SCFD2: variants seen among roughly 807,000 people sequenced by gnomAD.
The protein encoded by SCFD2 is sec1 family domain-containing protein 2.
Under a neutral mutation model 58.9 loss-of-function variants are expected in SCFD2, and 54 were observed. The ratio of observed to expected loss-of-function variants is 0.92; its 90% CI spans 0.74 to 1.15. SCFD2 has a LOEUF of 1.15. Ranked by LOEUF, SCFD2 falls within the 50% of genes most tolerant of loss-of-function variation. The pLI is 0.00. For missense variants in SCFD2, 805 were observed against 836.6 expected, an observed-to-expected ratio of 0.96 and a Z score of 0.47; for synonymous variants, 321 against 335.9, an observed-to-expected ratio of 0.96 and a Z score of 0.49.
rs541045819 is a variant in SCFD2 at position 53,099,273 on chromosome 4, G to T, written c.1561+46060C>A. Among the ~76,000 whole-genome samples the T allele has an allele frequency of 4.6e-5, 7 of 152,244 alleles. No homozygotes were observed. The South Asian group carries it at 8.3e-4, about 18-fold the overall frequency. On this transcript the variant is annotated intron_variant, in intron 5 of 8. Transcript: ENST00000401642. ...CTACAATCTCCTTTTGTCACATGAGGTCACAAAATTTCACAAAGCGGAGAG... is the reference window on the plus strand; with the variant it reads ...CTACAATCTCCTTTTGTCACATGAGTTCACAAAATTTCACAAAGCGGAGAG...
chr4:53,197,121 G>C (rs1728081981), intron 4 of SCFD2, among the ~76,000 whole-genome samples: 1 of 151,974 alleles, frequency 6.6e-6, no homozygotes, highest in Non-Finnish European at 1.5e-5. Flanking sequence ...AGCATGGCGG[G>C]GGAGGAAAAT....
At chr4:53,205,026 G>C (rs1011643344) in intron 4 of SCFD2, among the ~76,000 whole-genome samples, 14 of 152,084 alleles carry the variant, frequency 9.2e-5, no homozygotes, top group African/African-American at 3.4e-4. Flanking sequence ...ATATCCCTTT[G>C]TCCTTTTTGT....
intron 4 of SCFD2, among the ~76,000 whole-genome samples, chr4:53,183,878 C>T (rs73250944): frequency 0.02 from 3,045 of 152,198 alleles, 40 homozygotes; most frequent in Admixed American, 0.03. Context: ...TAACAGGCTG[C>T]ATGTTCTTGG....
At chr4:53,055,727 C>T (rs1315996211) in intron 5 of SCFD2, among the ~76,000 whole-genome samples, 1 of 152,168 alleles carries the variant, frequency 6.6e-6, no homozygotes, top group Non-Finnish European at 1.5e-5. Flanking sequence ...CTGCAACCCA[C>T]AACAAACATT....
chr4:53,230,717 C>A (rs1262255884), intron 4 of SCFD2, among the ~76,000 whole-genome samples: 2 of 151,882 alleles, frequency 1.3e-5, no homozygotes, highest in Admixed American at 6.6e-5. Flanking sequence ...CACATATATA[C>A]ATATGTAACA....
At chr4:52,977,898 C>T (rs913513889) in intron 5 of SCFD2, among the ~76,000 whole-genome samples, 1 of 152,150 alleles carries the variant, frequency 6.6e-6, no homozygotes, top group Admixed American at 6.5e-5. Flanking sequence ...AAGAGCCCAT[C>T]CACGTTTTTG....
chr4:52,894,660 A>G (rs1718958231), intron 7 of SCFD2, among the ~76,000 whole-genome samples: 1 of 152,224 alleles, frequency 6.6e-6, no homozygotes, highest in African/African-American at 2.4e-5. Flanking sequence ...CTAGTTTGCT[A>G]GAACCACTCC....
chr4:53,006,213 C>T (rs1721967951), intron 5 of SCFD2, among the ~76,000 whole-genome samples: 1 of 152,202 alleles, frequency 6.6e-6, no homozygotes, highest in South Asian at 2.1e-4. Flanking sequence ...TGCCCAGCCC[C>T]CAATCACTGT....
intron 1 of SCFD2, among the ~76,000 whole-genome samples, chr4:53,354,093 C>T (rs1464017815): frequency 1.3e-5 from 2 of 152,256 alleles, no homozygotes; most frequent in African/African-American, 4.8e-5. Context: ...CATTCTTCGG[C>T]CCTTGGGCCG....
intron 5 of SCFD2, among the ~76,000 whole-genome samples, chr4:53,040,509 T>A (rs1009480210): frequency 1.3e-5 from 2 of 152,132 alleles, no homozygotes; most frequent in African/African-American, 4.8e-5. Flanking sequence ...CAATGTGAGA[T>A]TCCATATGCT....
At chr4:53,302,316 CAGAT>C (rs1340351725) in intron 3 of SCFD2, among the ~76,000 whole-genome samples, 15 of 152,166 alleles carry the variant, frequency 9.9e-5, no homozygotes, top group Non-Finnish European at 1.0e-4. Context: ...AACAGACAAA[CAGAT>C]AGCCAAATCA....
At chr4:53,050,880 C>T (rs1225403775) in intron 5 of SCFD2, among the ~76,000 whole-genome samples, 1 of 152,204 alleles carries the variant, frequency 6.6e-6, no homozygotes, top group Non-Finnish European at 1.5e-5. Context: ...CTGCTCACAT[C>T]TTCTGTCTCC....
At chr4:53,031,396 C>G (rs529939726) in intron 5 of SCFD2, among the ~76,000 whole-genome samples, 1 of 152,314 alleles carries the variant, frequency 6.6e-6, no homozygotes, top group African/African-American at 2.4e-5. Flanking sequence ...AACTCCTTGC[C>G]AGCAAGGGAA....
At chr4:53,218,885 G>A (rs1728951664) in intron 4 of SCFD2, among the ~76,000 whole-genome samples, 1 of 152,110 alleles carries the variant, frequency 6.6e-6, no homozygotes. Flanking sequence ...CTGCAGGTCT[G>A]AGTTTGCTGG....
chr4:52,927,319 A>G (rs983050964), intron 5 of SCFD2, among the ~76,000 whole-genome samples: 5 of 147,528 alleles, frequency 3.4e-5, no homozygotes, highest in Admixed American at 2.0e-4. Flanking sequence ...TTTTTTTTTT[A>G]GTATTGTCTG....
intron 4 of SCFD2, among the ~76,000 whole-genome samples, chr4:53,174,725 G>C (rs1255429692): frequency 6.6e-6 from 1 of 152,106 alleles, no homozygotes; most frequent in Non-Finnish European, 1.5e-5. Flanking sequence ...ATTTGTTAGA[G>C]TCCTGGAGTG....
At chr4:53,013,626 T>C (rs774671101) in intron 5 of SCFD2, among the ~76,000 whole-genome samples, 2 of 152,198 alleles carry the variant, frequency 1.3e-5, no homozygotes, top group African/African-American at 2.4e-5. Flanking sequence ...CTTAATATTA[T>C]GTGAAATGTT....
intron 4 of SCFD2, among the ~76,000 whole-genome samples, chr4:53,210,870 T>C (rs897539123): frequency 1.3e-5 from 2 of 152,008 alleles, no homozygotes; most frequent in African/African-American, 2.4e-5. Context: ...TGCCTTTCTG[T>C]TGTGGGTCTT....
intron 5 of SCFD2, among the ~76,000 whole-genome samples, chr4:53,123,502 G>T (rs1369388209): frequency 7.7e-6 from 1 of 129,098 alleles, no homozygotes; most frequent in African/African-American, 3.0e-5. Flanking sequence ...GTGCCCTAAG[G>T]GTTACCTTGC....
Sources: gnomAD v4.1 joint callset for allele counts (sites outside exome capture counted in the v4.1 genomes callset) on GRCh38, gnomAD v4.1.1 for gene constraint, MANE v1.5 for transcripts, NCBI Gene and HGNC (gene_info 2026-07-23, HGNC 2026-07-21) for gene names.